PCNX2: variants seen among roughly 807,000 people sequenced by gnomAD.
The protein encoded by PCNX2 is pecanex 2.
In PCNX2, 168 loss-of-function variants were observed where a neutral mutation model predicts 223.8. The observed-to-expected ratio is 0.75, with a 90% CI of 0.66 to 0.85. The LOEUF (loss-of-function observed/expected upper bound fraction) is 0.85, where lower values mean the gene tolerates loss of function less well. Among genes scored for constraint, PCNX2 ranks in the 40% least tolerant of loss-of-function variants. The pLI, the probability that PCNX2 is intolerant of heterozygous loss-of-function variation, is 0.00. For synonymous variants in PCNX2, 1,006 were observed against 1,052.6 expected, an observed-to-expected ratio of 0.96 and a Z score of 0.86; for missense variants, 2,507 against 2,675.5, an observed-to-expected ratio of 0.94 and a Z score of 1.39.
intron 25 of PCNX2, among the ~76,000 whole-genome samples, chr1:233,041,820 T>C (rs1431946386): frequency 6.6e-6 from 1 of 152,222 alleles, no homozygotes; most frequent in Non-Finnish European, 1.5e-5. Context: ...TAAATGGTTA[T>C]CAGTAGCACA....
intron 25 of PCNX2, among the ~76,000 whole-genome samples, chr1:233,039,113 T>G (rs73105106): frequency 0.07 from 10,623 of 152,252 alleles, 989 homozygotes; most frequent in African/African-American, 0.21. Context: ...CTTACAAAGG[T>G]GCTACCATAA....
rs1223936001 is a variant in PCNX2 at position 233,295,197 on chromosome 1, C to T, written c.153+129G>A. 7.6e-7 allele frequency: 1 copy of T among 1,323,884 alleles called. No individual in the cohort carries two copies. Among genetic ancestry groups the T allele is most frequent in the East Asian group, 2.6e-5 (1 of 38,686 alleles). The allele number at this position is 1,323,884 out of a possible 1,614,324, so 82.0% of individuals were successfully genotyped here. On this transcript the variant is annotated intron_variant, in intron 1 of 33. Coordinates refer to ENST00000258229, the MANE Select transcript of PCNX2 (RefSeq NM_014801.4). This position sits in a 1 kb window ranked among gnomAD's most constrained non-coding sequence, Gnocchi z 4.1. ...TTCTCTGTCCCAAATTTCTGAAGCC[C>T]CTCCCTTTCCGTCTCTTAAGAATCT...
chr1:233,236,520 G>T (rs1658423091), intron 9 of PCNX2, among the ~76,000 whole-genome samples: 1 of 151,780 alleles, frequency 6.6e-6, no homozygotes, highest in South Asian at 2.1e-4. Context: ...AACCATGGGA[G>T]AAAAAGGCAA....
chr1:233,178,903 T>C (rs1050432106), intron 16 of PCNX2, among the ~76,000 whole-genome samples, 163 bp downstream of exon 16: 8 of 152,212 alleles, frequency 5.3e-5, no homozygotes, highest in Non-Finnish European at 4.4e-5. Flanking sequence ...GCTGGTCCTG[T>C]ATTTCTCCTT....
intron 21 of PCNX2, among the ~76,000 whole-genome samples, chr1:233,116,113 A>G (rs995442102): frequency 2.6e-5 from 4 of 152,212 alleles, no homozygotes; most frequent in Non-Finnish European, 4.4e-5. Context: ...AACAATAGAA[A>G]TGCAAAATAT....
chr1:233,308,807 A>ACAC, the PCNX2 span, among the ~76,000 whole-genome samples: 1 of 152,200 alleles, frequency 6.6e-6, no homozygotes, highest in Admixed American at 6.5e-5. Context: ...TAATAAAAAA[A>ACAC]CACAAACTAC....
At chr1:233,314,455 G>A in the PCNX2 span, among the ~76,000 whole-genome samples, 44 of 151,920 alleles carry the variant, frequency 2.9e-4, no homozygotes, top group Admixed American at 2.0e-3. Context: ...ATAACTAAGA[G>A]AACACACATA....
chr1:233,179,042 A>C (rs1221771213), intron 16 of PCNX2, 24 bp downstream of exon 16: 1 of 1,594,858 alleles, frequency 6.3e-7, no homozygotes, highest in Non-Finnish European at 8.6e-7. Context: ...CAGTGATGAG[A>C]GAGCACAGGC....
the PCNX2 span, among the ~76,000 whole-genome samples, chr1:233,315,564 A>G: frequency 6.6e-6 from 1 of 152,354 alleles, no homozygotes; most frequent in East Asian, 1.9e-4. Flanking sequence ...TCAGCTTTTA[A>G]TGAATGTCGC....
intron 25 of PCNX2, among the ~76,000 whole-genome samples, chr1:233,042,174 A>C (rs140682683): frequency 6.6e-6 from 1 of 152,216 alleles, no homozygotes; most frequent in Non-Finnish European, 1.5e-5. Context: ...TACGCCCTTC[A>C]TTCTTCCCCA....
intron 23 of PCNX2, chr1:233,058,059 G>T: frequency 2.0e-6 from 2 of 985,020 alleles, no homozygotes; most frequent in African/African-American, 3.5e-5. Flanking sequence ...GAAAGCTCTC[G>T]GATCATCTGC....
Position 232,998,265 on chromosome 1 carries a change from C to T in PCNX2, c.5777G>A (p.Gly1926Glu), listed in dbSNP as rs1669946582. The T allele has an allele frequency of 6.3e-7, 1 of 1,580,100 alleles. No individual in the cohort carries two copies. The highest frequency in any genetic ancestry group is 1.4e-5 in the African/African-American group (1 of 73,322). The change falls in exon 32 of 34, where the codon GGG (glycine) becomes GAG (glutamate). Residue 1926 changes from glycine to glutamate, a missense_variant. Around this residue, in one of 3 missense-constraint regions of PCNX2, gnomAD observed 1,372 missense variants for 1,509.4 expected, o/e 0.91. Coordinates refer to ENST00000258229, the MANE Select transcript of PCNX2 (RefSeq NM_014801.4). ...GCTGCACCCACCTGTTCTCTGTGTC[C>T]CTTCACAGGATGACACCCCGTGCTG... ...GAQHGVSSCEGTQRTGRRKGR... is the reference protein window; with the variant it reads ...GAQHGVSSCEETQRTGRRKGR...
At chr1:233,241,133 T>C in intron 8 of PCNX2, 1 of 968,104 alleles carries the variant, frequency 1.0e-6, no homozygotes, top group Non-Finnish European at 1.2e-6. Context: ...AACCATAACC[T>C]GTTATTTTGA....
rs555225169 is a variant in PCNX2, at chr1:233,167,331, A to T, written c.3274-5968T>A. ...CTGCGTGATTTCACTTTTATGTAGAATCTAAAGAGAGAGAGAGAGAGAGAG... is the reference window on the plus strand; with the variant it reads ...CTGCGTGATTTCACTTTTATGTAGATTCTAAAGAGAGAGAGAGAGAGAGAG... On this transcript the variant is annotated intron_variant, in intron 17 of 33. Transcript: ENST00000258229. 7.3e-4 allele frequency among the ~76,000 whole-genome samples: 110 copies of T among 150,798 alleles called. 1 individual carries two copies. The Middle Eastern group carries it at 0.01, about 14-fold the overall frequency.
At chr1:233,124,251 C>T (rs1486631393) in intron 21 of PCNX2, among the ~76,000 whole-genome samples, 2 of 152,052 alleles carry the variant, frequency 1.3e-5, no homozygotes, top group East Asian at 1.9e-4. Context: ...GGATGGGATG[C>T]CGTAGGGTAT....
chr1:233,308,609 CTT>C, the PCNX2 span, among the ~76,000 whole-genome samples: 5 of 151,864 alleles, frequency 3.3e-5, 1 homozygote, highest in Admixed American at 1.3e-4. Context: ...GAAACATAAA[CTT>C]ATCAGATAAA....
chr1:233,319,439 AAG>A, the PCNX2 span, among the ~76,000 whole-genome samples: 2 of 152,234 alleles, frequency 1.3e-5, no homozygotes, highest in East Asian at 1.9e-4. Flanking sequence ...AAGCAGGTGC[AAG>A]AGAGAGGAAA....
intron 14 of PCNX2, among the ~76,000 whole-genome samples, chr1:233,199,418 G>C (rs1304762696): frequency 6.6e-6 from 1 of 151,984 alleles, no homozygotes; most frequent in African/African-American, 2.4e-5. Flanking sequence ...GAGGAGACGG[G>C]AAAGGGAATA....
At chr1:233,076,617 C>T (rs969153065) in intron 23 of PCNX2, among the ~76,000 whole-genome samples, 1 of 152,140 alleles carries the variant, frequency 6.6e-6, no homozygotes, top group African/African-American at 2.4e-5. Context: ...TTCCTTCACT[C>T]CTAAAAGTGT....
Sources: allele counts gnomAD v4.1 joint callset (sites outside exome capture counted in the v4.1 genomes callset), GRCh38; gene constraint gnomAD v4.1.1; regional missense constraint gnomAD v4.1.1; non-coding constraint Gnocchi (gnomAD v3.1); transcripts MANE v1.5; gene names NCBI Gene and HGNC (gene_info 2026-07-23, HGNC 2026-07-21).